Variants in CSMD1 observed in about 807,000 individuals in gnomAD.
The protein encoded by CSMD1 is CUB and Sushi multiple domains 1.
In CSMD1, 213 loss-of-function variants were observed where a neutral mutation model predicts 417.5. The ratio of observed to expected loss-of-function variants is 0.51; its 90% CI spans 0.46 to 0.57. The LOEUF is 0.57. Ranked by LOEUF, CSMD1 falls within the 20% of genes least tolerant of loss-of-function variation. The pLI, the probability that CSMD1 is intolerant of heterozygous loss-of-function variation, is 0.00. For missense variants in CSMD1, 6,923 were observed against 4,529.7 expected (o/e 1.53, Z -15.17); for synonymous variants, 2,862 against 1,736.8 (o/e 1.65, Z -16.11).
chr8:3,571,206 G>A (rs1443367462), intron 10 of CSMD1, among the ~76,000 whole-genome samples: 8 of 152,266 alleles, frequency 5.3e-5, no homozygotes, highest in African/African-American at 1.9e-4. Flanking sequence ...ACTATATTCT[G>A]CTTTCTGCAT....
intron 26 of CSMD1, among the ~76,000 whole-genome samples, chr8:3,268,773 G>C (rs1049355785): frequency 1.3e-5 from 2 of 152,104 alleles, no homozygotes; most frequent in Non-Finnish European, 2.9e-5. Context: ...TGTTGATTGG[G>C]AGTTTGAGAC....
At chr8:3,320,030 C>T (rs1223622851) in intron 23 of CSMD1, among the ~76,000 whole-genome samples, 1 of 152,176 alleles carries the variant, frequency 6.6e-6, no homozygotes, top group African/African-American at 2.4e-5. Flanking sequence ...TCAGGAGTGT[C>T]TGGCCCAGAA....
At position 3,329,574 on chromosome 8, in the gene CSMD1, G is replaced by A. The variant is rs574048533; in HGVS notation, c.3631+13720C>T. Among the ~76,000 whole-genome samples the A allele has an allele frequency of 5.7e-4, 87 of 152,274 alleles. 1 individual carries two copies. The highest frequency in any genetic ancestry group is 2.0e-3 in the Admixed American group (31 of 15,292). On this transcript the variant is annotated intron_variant, in intron 23 of 69. Transcript: ENST00000635120. ...AAGGCCTATGCAATCACAGACAGCC[G>A]TATTTACCCTTCTCATGTACCATGA...
At chr8:3,737,608 C>G (rs867810163) in intron 6 of CSMD1, among the ~76,000 whole-genome samples, 1 of 152,090 alleles carries the variant, frequency 6.6e-6, no homozygotes, top group African/African-American at 2.4e-5. Context: ...GAGAGATCAC[C>G]CTCTCAGTTA....
intron 2 of CSMD1, among the ~76,000 whole-genome samples, chr8:4,432,198 A>T (rs1797910152): frequency 6.6e-6 from 1 of 152,228 alleles, no homozygotes; most frequent in African/African-American, 2.4e-5. Context: ...TGAAAAAGTA[A>T]AATTGGAATT....
chr8:4,790,843 T>C lies in CSMD1; in HGVS notation c.86-153285A>G, dbSNP rs142121745. On this transcript the variant is annotated intron_variant, in intron 1 of 69. Transcript: ENST00000635120. ...ATAAGAAAATCAACACAACATGAAT[T>C]AAAGACTTAAACGGAAAACCTAAAC... 1.5e-3 allele frequency among the ~76,000 whole-genome samples: 232 copies of C among 152,182 alleles called. 4 individuals are homozygous for C. Among genetic ancestry groups the C allele is most frequent in the African/African-American group, 5.3e-3 (221 of 41,520 alleles).
At chr8:3,981,466 TACC>T (rs1482422422) in intron 5 of CSMD1, among the ~76,000 whole-genome samples, 4 of 118,922 alleles carry the variant, frequency 3.4e-5, no homozygotes, top group African/African-American at 6.6e-5. Context: ...TGTATCCAAA[TACC>T]ACCTGTACTC....
intron 30 of CSMD1, among the ~76,000 whole-genome samples, chr8:3,208,776 T>C (rs1797442127): frequency 6.6e-6 from 1 of 152,082 alleles, no homozygotes; most frequent in South Asian, 2.1e-4. Flanking sequence ...AAATGTGAAA[T>C]GAGAGACTGG....
At chr8:2,996,203 T>C (rs1261826577) in intron 54 of CSMD1, among the ~76,000 whole-genome samples, 1 of 152,194 alleles carries the variant, frequency 6.6e-6, no homozygotes, top group East Asian at 1.9e-4. Flanking sequence ...ATTGATGACA[T>C]TTTATCCTAA....
At chr8:3,883,990 C>T (rs1409727591) in intron 5 of CSMD1, among the ~76,000 whole-genome samples, 2 of 152,096 alleles carry the variant, frequency 1.3e-5, no homozygotes, top group Admixed American at 6.6e-5. Flanking sequence ...TAAACAGACA[C>T]ATTTGAAGGT....
chr8:3,171,247 G>T (rs759203009), intron 37 of CSMD1, among the ~76,000 whole-genome samples: 3 of 152,158 alleles, frequency 2.0e-5, no homozygotes, highest in Non-Finnish European at 4.4e-5. Context: ...AGAAGCACTG[G>T]GAAAGAAAGC....
At chr8:4,719,791 G>A (rs910670368) in intron 1 of CSMD1, among the ~76,000 whole-genome samples, 2 of 152,116 alleles carry the variant, frequency 1.3e-5, no homozygotes, top group Non-Finnish European at 2.9e-5. Context: ...TTCCCTTTGA[G>A]AGCTTGAACT....
intron 5 of CSMD1, among the ~76,000 whole-genome samples, chr8:3,961,281 T>C (rs912327819): frequency 1.3e-5 from 2 of 152,204 alleles, no homozygotes. Context: ...AAAAGTTATA[T>C]AAGCATAAAA....
intron 7 of CSMD1, among the ~76,000 whole-genome samples, chr8:3,647,147 G>C (rs760705752): frequency 1.3e-5 from 2 of 152,090 alleles, no homozygotes; most frequent in African/African-American, 4.8e-5. Flanking sequence ...AAGCTTGTAG[G>C]GGTGGATGGT....
At chr8:4,189,522 G>T (rs1276084780) in intron 3 of CSMD1, among the ~76,000 whole-genome samples, 5 of 152,080 alleles carry the variant, frequency 3.3e-5, no homozygotes, top group African/African-American at 9.7e-5. Context: ...ATATATTAAA[G>T]ATCAATCAAC....
intron 11 of CSMD1, among the ~76,000 whole-genome samples, chr8:3,491,735 A>T (rs1009122284): frequency 1.3e-5 from 2 of 152,224 alleles, no homozygotes; most frequent in African/African-American, 4.8e-5. Flanking sequence ...ATAAGGGGAT[A>T]AGGTGAGTAT....
At chr8:4,333,067 T>C (rs1423227290) in intron 3 of CSMD1, among the ~76,000 whole-genome samples, 3 of 152,118 alleles carry the variant, frequency 2.0e-5, no homozygotes, top group South Asian at 2.1e-4. Flanking sequence ...GAGCGTTTCA[T>C]AGAAATACTA....
intron 1 of CSMD1, among the ~76,000 whole-genome samples, chr8:4,788,875 G>A (rs1797548954): frequency 6.6e-6 from 1 of 152,278 alleles, no homozygotes; most frequent in South Asian, 2.1e-4. Context: ...CCTGACTCCA[G>A]GGCAGGCACA....
intron 54 of CSMD1, among the ~76,000 whole-genome samples, chr8:2,979,348 C>G (rs183486908): frequency 3.7e-4 from 57 of 152,348 alleles, no homozygotes; most frequent in African/African-American, 1.2e-3. Context: ...TGACTTAGGC[C>G]TCTTCTCCTT....
Sources: gnomAD v4.1 joint callset for allele counts (sites outside exome capture counted in the v4.1 genomes callset) on GRCh38, gnomAD v4.1.1 for gene constraint, MANE v1.5 for transcripts, NCBI Gene and HGNC (gene_info 2026-07-23, HGNC 2026-07-21) for gene names.